ATP13A4: variants seen among roughly 807,000 people sequenced by gnomAD.
ATP13A4 encodes the protein ATPase 13A4.
In ATP13A4, 114 loss-of-function variants were observed where a neutral mutation model predicts 142.5. The observed-to-expected ratio is 0.80, with a 90% CI of 0.69 to 0.93. The LOEUF (loss-of-function observed/expected upper bound fraction) is 0.93, where lower values mean the gene tolerates loss of function less well. Ranked by LOEUF, ATP13A4 falls within the 40% of genes least tolerant of loss-of-function variation. The probability of loss-of-function intolerance (pLI) is 0.00; values close to 1 mark genes in which losing one functional copy is unlikely to be tolerated. For missense variants in ATP13A4, 1,392 were observed against 1,454.0 expected, an observed-to-expected ratio of 0.96 and a Z score of 0.69; for synonymous variants, 488 against 514.8, an observed-to-expected ratio of 0.95 and a Z score of 0.70.
chr3:193,430,558 T>C lies in ATP13A4; in HGVS notation c.2842+3287A>G, dbSNP rs146522926. Reference sequence around the variant, plus strand: ...TGGCTTCTTCACTATTAAAGTGATCTTTCTGAAGAAGTGACATTTGAGCTC... The same window carrying C: ...TGGCTTCTTCACTATTAAAGTGATCCTTCTGAAGAAGTGACATTTGAGCTC... On this transcript the variant is annotated intron_variant, in intron 25 of 29. Transcript: ENST00000342695. Among the ~76,000 whole-genome samples, 127 of 152,260 alleles carry C rather than the reference T, an allele frequency of 8.3e-4. 2 individuals carry two copies. The East Asian group carries it at 0.023, about 28-fold the overall frequency.
upstream of ATP13A4, chr3:193,555,252 A>C (rs2108733018): frequency 3.7e-6 from 1 of 270,172 alleles, no homozygotes; most frequent in South Asian, 4.5e-5. Context: ...CAGAGGACCT[A>C]AGGAATTGGG....
At chr3:193,554,521 A>G (rs1464480146) in intron 1 of ATP13A4, 1 of 621,574 alleles carries the variant, frequency 1.6e-6, no homozygotes, top group East Asian at 2.8e-5. Context: ...AGATGAATAC[A>G]ATATTTTCAT....
chr3:193,545,001 G>T (rs1723142789), intron 1 of ATP13A4, among the ~76,000 whole-genome samples: 2 of 152,128 alleles, frequency 1.3e-5, no homozygotes, highest in Admixed American at 1.3e-4. Context: ...AGAGAAGAGA[G>T]AAACTCATAA....
intron 7 of ATP13A4, among the ~76,000 whole-genome samples, chr3:193,488,164 T>C (rs1719742546): frequency 1.3e-5 from 2 of 152,320 alleles, no homozygotes; most frequent in South Asian, 4.1e-4. Flanking sequence ...CTTAGGCGGC[T>C]GAGGCAGGAG....
intron 8 of ATP13A4, among the ~76,000 whole-genome samples, chr3:193,478,008 A>C (rs1330766971): frequency 6.6e-6 from 1 of 152,110 alleles, no homozygotes; most frequent in Non-Finnish European, 1.5e-5. Context: ...AAAACTGCAA[A>C]ACACTGCCAA....
chr3:193,511,076 A>G (rs1307153645), intron 2 of ATP13A4, among the ~76,000 whole-genome samples: 2 of 152,224 alleles, frequency 1.3e-5, no homozygotes, highest in East Asian at 3.8e-4. Flanking sequence ...CTAAAGACTA[A>G]TTCAGAACTT....
intron 1 of ATP13A4, among the ~76,000 whole-genome samples, chr3:193,518,772 G>A (rs1473923744): frequency 4.6e-5 from 7 of 152,130 alleles, no homozygotes; most frequent in African/African-American, 1.7e-4. Context: ...AAATGAGCAG[G>A]TGCCCACTTC....
intron 2 of ATP13A4, among the ~76,000 whole-genome samples, chr3:193,507,095 A>C (rs1720899795): frequency 6.6e-6 from 1 of 152,186 alleles, no homozygotes; most frequent in African/African-American, 2.4e-5. Context: ...AAAAAAATGT[A>C]GTTCTGGCTT....
rs772619249 is a variant in ATP13A4, at chr3:193,442,481, A to G, written c.2228T>C (p.Ile743Thr). 6 of 1,614,098 alleles carry G rather than the reference A, an allele frequency of 3.7e-6. No homozygotes were observed. Among genetic ancestry groups the G allele is most frequent in the South Asian group, 1.1e-5 (1 of 91,082 alleles). Residue 743 changes from isoleucine to threonine, a missense_variant, in exon 19 of 30, where the codon ATT becomes ACT. Ile to Thr is a moderately conservative substitution (Grantham distance 89). Coordinates refer to ENST00000342695, the MANE Select transcript of ATP13A4 (RefSeq NM_032279.4). Reference sequence around the variant, plus strand: ...GGACCCGGTGGTTTCATTTGCCTCAATGAGAATGACTTTCTGGCTTTCAGA... The same window carrying G: ...GGACCCGGTGGTTTCATTTGCCTCAGTGAGAATGACTTTCTGGCTTTCAGA... ...MVSESQKVILIEANETTGSSS... is the reference protein window; with the variant it reads ...MVSESQKVILTEANETTGSSS...
intron 25 of ATP13A4, among the ~76,000 whole-genome samples, chr3:193,429,670 G>A (rs1715865408): frequency 1.3e-5 from 2 of 151,848 alleles, no homozygotes; most frequent in Non-Finnish European, 2.9e-5. Flanking sequence ...TCTGTTTGAG[G>A]TGATGAAAAA....
At chr3:193,455,624 A>G (rs1292760477) in intron 16 of ATP13A4, among the ~76,000 whole-genome samples, 1 of 152,244 alleles carries the variant, frequency 6.6e-6, no homozygotes, top group East Asian at 1.9e-4. Flanking sequence ...AAGAAAACAC[A>G]GTGATACCCC....
intron 8 of ATP13A4, among the ~76,000 whole-genome samples, chr3:193,483,017 CA>C (rs1335414190): frequency 2.0e-5 from 3 of 152,064 alleles, no homozygotes; most frequent in Admixed American, 1.3e-4. Context: ...AATGGATGAA[CA>C]AACTAGTATG....
intron 25 of ATP13A4, among the ~76,000 whole-genome samples, chr3:193,427,827 C>G (rs879671865): frequency 2.2e-4 from 34 of 151,984 alleles, no homozygotes; most frequent in Non-Finnish European, 4.7e-4. Context: ...GACCTAAAAC[C>G]ATAAAAACCC....
At chr3:193,491,511 CA>C in intron 5 of ATP13A4, 113 bp from the exon 6 acceptor site, 1 of 804,522 alleles carries the variant, frequency 1.2e-6, no homozygotes, top group Non-Finnish European at 2.1e-6. Context: ...GTGAGACCAA[CA>C]TAAGTCTCCC....
At chr3:193,409,611 A>C (rs1714668059) in intron 28 of ATP13A4, among the ~76,000 whole-genome samples, 1 of 152,252 alleles carries the variant, frequency 6.6e-6, no homozygotes, top group Admixed American at 6.5e-5. Flanking sequence ...AAGCCTACTT[A>C]TTTCCATGAA....
chr3:193,423,729 G>A (rs929770949), intron 25 of ATP13A4, among the ~76,000 whole-genome samples: 3 of 149,584 alleles, frequency 2.0e-5, no homozygotes, highest in South Asian at 2.1e-4. Flanking sequence ...TCATACTAAC[G>A]GGGAAAAGTT....
intron 1 of ATP13A4, among the ~76,000 whole-genome samples, chr3:193,534,816 T>TAATG (rs1442087902): frequency 6.6e-6 from 1 of 151,820 alleles, no homozygotes; most frequent in Non-Finnish European, 1.5e-5. Context: ...CTTAAAGAAA[T>TAATG]AATGGCCGAA....
At chr3:193,457,538 T>TCC in intron 14 of ATP13A4, 73 bp from the exon 15 acceptor site, 1 of 1,407,158 alleles carries the variant, frequency 7.1e-7, no homozygotes, top group Non-Finnish European at 1.0e-6. Context: ...GCTTGAACCC[T>TCC]CCCCTTGAGA....
At chr3:193,568,752 C>T (rs540881231) in intron 2 of ATP13A4, among the ~76,000 whole-genome samples, 95 of 151,954 alleles carry the variant, frequency 6.3e-4, no homozygotes, top group Middle Eastern at 3.4e-3. Context: ...TAAAAAAGTG[C>T]TTAAAAAAAT....
Sources: allele counts gnomAD v4.1 joint callset (sites outside exome capture counted in the v4.1 genomes callset), GRCh38; gene constraint gnomAD v4.1.1; transcripts MANE v1.5; gene names NCBI Gene and HGNC (gene_info 2026-07-23, HGNC 2026-07-21).